The following CEMIP variants were observed in gnomAD, a reference collection of about 807,000 sequenced individuals.
CEMIP encodes the protein cell migration-inducing and hyaluronan-binding protein.
CEMIP carries 105 observed loss-of-function variants against 156.9 expected under a neutral mutation model. The ratio of observed to expected loss-of-function variants is 0.67; its 90% CI spans 0.57 to 0.79. The LOEUF is 0.79. CEMIP is among the 30% of genes least tolerant of loss of function. CEMIP has a pLI of 0.00. For missense variants in CEMIP, 1,457 were observed against 1,769.4 expected, an observed-to-expected ratio of 0.82 and a Z score of 3.17; for synonymous variants, 676 against 668.4, an observed-to-expected ratio of 1.01 and a Z score of -0.17.
intron 1 of CEMIP, among the ~76,000 whole-genome samples, chr15:80,790,557 G>A (rs567722202): frequency 6.6e-5 from 10 of 152,298 alleles, no homozygotes; most frequent in African/African-American, 2.2e-4. Flanking sequence ...CAGTGAAGCC[G>A]CATCACTTAT....
chr15:80,929,138 G>A lies in CEMIP; in HGVS notation c.2576G>A (p.Gly859Asp). ...GACAATAGGATCTGGGGCCCTGGCG[G>A]CTTGGACCATAGCGGAAGGACCCTC... ...MMDNRIWGPG[G>D]LDHSGRTLPI... The change falls in exon 21 of 30, where the codon GGC (glycine) becomes GAC (aspartate). Residue 859 changes from glycine (G) to aspartate (D), a missense_variant. Coordinates refer to ENST00000394685, the MANE Select transcript of CEMIP (RefSeq NM_001293298.2). 6.2e-7 allele frequency: 1 copy of A among 1,614,216 alleles called. No individual in the cohort carries two copies. The highest frequency in any genetic ancestry group is 2.2e-5 in the East Asian group (1 of 44,878).
intron 7 of CEMIP, among the ~76,000 whole-genome samples, chr15:80,885,892 G>A (rs183002470): frequency 6.6e-6 from 1 of 152,332 alleles, no homozygotes; most frequent in African/African-American, 2.4e-5. Context: ...TGTTCACATG[G>A]GCAAAGGAGA....
intron 10 of CEMIP, among the ~76,000 whole-genome samples, chr15:80,892,103 C>T (rs1299204986): frequency 1.3e-5 from 2 of 152,066 alleles, no homozygotes; most frequent in African/African-American, 2.4e-5. Flanking sequence ...CTCCCCGGGC[C>T]CTGAGCTTTT....
At chr15:80,829,991 TGTGTGTGTGTGCGC>T (rs760877036) in intron 1 of CEMIP, among the ~76,000 whole-genome samples, 9 of 86,322 alleles carry the variant, frequency 1.0e-4, no homozygotes, top group Admixed American at 2.8e-4. Context: ...TGTGTGTGTG[TGTGTGTGTGTGCGC>T]GCATGTCCTT....
intron 6 of CEMIP, 79 bp downstream of exon 6, chr15:80,881,215 C>T: frequency 8.0e-7 from 1 of 1,248,986 alleles, no homozygotes. Context: ...CCAGGTGCCG[C>T]TCTAGGTGCT....
At position 80,832,681 on chromosome 15, in the gene CEMIP, C is replaced by T. The variant is rs189454435; in HGVS notation, c.-175-40857C>T. On this transcript the variant is annotated intron_variant, in intron 1 of 29. Coordinates refer to ENST00000394685, the MANE Select transcript of CEMIP (RefSeq NM_001293298.2). ...TGTGGCCTGCAGTTGTTTTGTTCAG[C>T]CCATGCAGTCTTTTAAAAATCTGGA... is the stretch of plus-strand genomic sequence containing the variant. Among the ~76,000 whole-genome samples the T allele has an allele frequency of 5.3e-5, 8 of 152,174 alleles. No individual in the cohort carries two copies. The East Asian group carries it at 1.5e-3, about 29-fold the overall frequency.
intron 1 of CEMIP, among the ~76,000 whole-genome samples, 180 bp from the exon 2 acceptor site, chr15:80,873,358 T>C (rs1414377762): frequency 1.3e-5 from 2 of 152,190 alleles, no homozygotes; most frequent in East Asian, 3.9e-4. Flanking sequence ...ATTAGAAGCA[T>C]AGACTGATAA....
At chr15:80,832,526 A>G (rs760755314) in intron 1 of CEMIP, among the ~76,000 whole-genome samples, 1 of 152,092 alleles carries the variant, frequency 6.6e-6, no homozygotes, top group Admixed American at 6.6e-5. Context: ...GTGCATTTGA[A>G]TTAGATCGGA....
At chr15:80,839,955 G>A (rs1233707789) in intron 1 of CEMIP, among the ~76,000 whole-genome samples, 1 of 152,214 alleles carries the variant, frequency 6.6e-6, no homozygotes, top group East Asian at 1.9e-4. Flanking sequence ...CTGTAAAAAT[G>A]AAGAAGTGAC....
At chr15:80,814,572 A>T (rs904592482) in intron 1 of CEMIP, among the ~76,000 whole-genome samples, 3 of 152,178 alleles carry the variant, frequency 2.0e-5, no homozygotes, top group Admixed American at 6.5e-5. Context: ...CTTCTCCTGC[A>T]TCTTCCCTAT....
chr15:80,948,727 C>A, intron 29 of CEMIP, 70 bp from the exon 30 acceptor site: 2 of 1,606,030 alleles, frequency 1.2e-6, no homozygotes, highest in South Asian at 1.1e-5. Flanking sequence ...CGATGGGGAG[C>A]CATGGAACGG....
At position 80,921,048 on chromosome 15, in the gene CEMIP, T is replaced by G; in HGVS notation, c.2020T>G (p.Trp674Gly). 6.2e-7 allele frequency: 1 copy of G among 1,614,202 alleles called. No homozygotes were observed. The highest frequency in any genetic ancestry group is 8.5e-7 in the Non-Finnish European group (1 of 1,180,012). Residue 674 changes from tryptophan to glycine, a missense_variant, in exon 16 of 30, where the codon TGG becomes GGG. Around this residue, in one of 5 missense-constraint regions of CEMIP, gnomAD observed 798 missense variants for 980.1 expected, o/e 0.81. Transcript: ENST00000394685. ...RQDCNAVSTF[W>G]MANPNNNLIN... is the part of the protein sequence containing the mutation. ...TCCCTGCAGTGCTGTGTCCACCTTCTGGATGGCCAATCCCAACAACAACCT... is the reference window on the plus strand; with the variant it reads ...TCCCTGCAGTGCTGTGTCCACCTTCGGGATGGCCAATCCCAACAACAACCT...
intron 13 of CEMIP, among the ~76,000 whole-genome samples, chr15:80,908,016 CTA>C (rs1473588829): frequency 6.6e-6 from 1 of 152,134 alleles, no homozygotes; most frequent in Non-Finnish European, 1.5e-5. Context: ...TCACATAGGC[CTA>C]TATTATAGGA....
At chr15:80,827,996 A>G (rs1319117514) in intron 1 of CEMIP, among the ~76,000 whole-genome samples, 2 of 152,228 alleles carry the variant, frequency 1.3e-5, no homozygotes, top group Non-Finnish European at 1.5e-5. Flanking sequence ...AAATATTTGA[A>G]TGTGAGGCAT....
intron 8 of CEMIP, among the ~76,000 whole-genome samples, chr15:80,888,208 C>CA (rs1029510870): frequency 0.012 from 1,698 of 142,946 alleles, 41 homozygotes; most frequent in African/African-American, 0.041. Context: ...ACTAAAATTA[C>CA]AAAAAAAAAA....
chr15:80,931,810 T>C (rs754839635), intron 21 of CEMIP, 49 bp from the exon 22 acceptor site: 54 of 1,577,554 alleles, frequency 3.4e-5, no homozygotes, highest in Non-Finnish European at 4.4e-5. Flanking sequence ...CTTAACTCCA[T>C]AGGAATGGAA....
chr15:80,846,455 T>A (rs1897559779), intron 1 of CEMIP, among the ~76,000 whole-genome samples: 1 of 152,186 alleles, frequency 6.6e-6, no homozygotes, highest in South Asian at 2.1e-4. Flanking sequence ...GCACTAATCA[T>A]CGTTGTAGGT....
rs368277561 is a variant in CEMIP at position 80,867,561 on chromosome 15, TG to T, written c.-175-5973del. Among the ~76,000 whole-genome samples the T allele has an allele frequency of 2.1e-3, 316 of 152,320 alleles. 1 individual carries two copies. Among genetic ancestry groups the T allele is most frequent in the African/African-American group, 7.2e-3 (298 of 41,590 alleles). ...AGTGCTTCTCTCCAAGGATGCAGGC[TG>T]GGGTGCCCTGTCCCTGGGGTCCCCG... On this transcript the variant is annotated intron_variant, in intron 1 of 29. Coordinates refer to ENST00000394685, the MANE Select transcript of CEMIP (RefSeq NM_001293298.2).
intron 1 of CEMIP, among the ~76,000 whole-genome samples, chr15:80,791,968 G>A (rs1354862005): frequency 6.6e-6 from 1 of 152,158 alleles, no homozygotes; most frequent in Admixed American, 6.5e-5. Flanking sequence ...CTGGTCTGCC[G>A]ATGCCCCCTG....
Sources: gnomAD v4.1 joint callset for allele counts (sites outside exome capture counted in the v4.1 genomes callset) on GRCh38, gnomAD v4.1.1 for gene constraint, gnomAD v4.1.1 regional missense constraint, MANE v1.5 for transcripts, NCBI Gene and HGNC (gene_info 2026-07-23, HGNC 2026-07-21) for gene names.